TIFAB: variants seen among roughly 807,000 people sequenced by gnomAD.
TIFAB encodes the protein TIFA inhibitor.
For synonymous variants in TIFAB, 116 were observed against 95.2 expected (o/e 1.22, Z -1.27); for missense variants, 222 against 203.6 (o/e 1.09, Z -0.55).
In TIFAB at chr5:135,449,702, G is replaced by A. The variant is rs376557001; in HGVS notation, c.238C>T (p.Arg80Cys). 6.6e-5 allele frequency: 106 copies of A among 1,614,022 alleles called. No homozygotes were observed. Among genetic ancestry groups the A allele is most frequent in the Non-Finnish European group, 8.1e-5 (95 of 1,180,054 alleles). Residue 80 changes from arginine to cysteine, a missense_variant, in exon 2 of 2, where the codon CGC (arginine) becomes TGC (cysteine). Coordinates refer to ENST00000537858, the MANE Select transcript of TIFAB (RefSeq NM_001099221.2). Reference sequence around the variant, plus strand: ...CCATTGACCCACACACAGCCCTTGCGGCTCAGGGCCTTGAGGCAGAAGGCC... The same window carrying A: ...CCATTGACCCACACACAGCCCTTGCAGCTCAGGGCCTTGAGGCAGAAGGCC... ...LLAFCLKALSRKGCVWVNGLT... is the reference protein window; with the variant it reads ...LLAFCLKALSCKGCVWVNGLT...
rs905519199 is a variant in TIFAB at position 135,445,979 on chromosome 5, T to G, written c.*3475A>C. 6.0e-6 allele frequency: 1 copy of G among 166,378 alleles called. No homozygotes were observed. Among genetic ancestry groups the G allele is most frequent in the Admixed American group, 5.8e-5 (1 of 17,246 alleles). The allele number at this position is 166,378 out of a possible 1,614,324, so 10.3% of individuals were successfully genotyped here. ...GCTCTGGGGTATGCCTGAATGTAAC[T>G]AATGTAGCTCCTTTTGTGCCTGAGT... On this transcript the variant is annotated 3_prime_UTR_variant, in exon 2 of 2. Coordinates refer to ENST00000537858, the MANE Select transcript of TIFAB (RefSeq NM_001099221.2).
In TIFAB at chr5:135,444,770, T is replaced by C. The variant is rs1769225783; in HGVS notation, c.*4684A>G. 6.6e-6 allele frequency: 1 copy of C among 152,200 alleles called. No individual in the cohort carries two copies. Among genetic ancestry groups the C allele is most frequent in the Admixed American group, 6.5e-5 (1 of 15,278 alleles). The allele number at this position is 152,200 out of a possible 1,614,324, so 9.4% of individuals were successfully genotyped here. On this transcript the variant is annotated 3_prime_UTR_variant, in exon 2 of 2. Transcript: ENST00000537858. ...ACCGGGAGACCTGGAAACAGCCCCT[T>C]GACAAAGTCTTGCTCTACACGTTTC... is the stretch of plus-strand genomic sequence containing the variant.
rs371612045 is a variant in TIFAB at position 135,449,763 on chromosome 5, G to A, written c.177C>T (p.Ser59=). Reference sequence around the variant, plus strand: ...TGCCTTTCTCCAGGTAGGGCTCCAGGGACAGGTGACGGCGGGAGAGGCGAG... The same window carrying A: ...TGCCTTTCTCCAGGTAGGGCTCCAGAGACAGGTGACGGCGGGAGAGGCGAG... ...QLPRLSRRHL[S]LEPYLEKGSA... Residue 59 remains serine, a synonymous_variant, in exon 2 of 2, where the codon TCC becomes TCT. Coordinates refer to ENST00000537858, the MANE Select transcript of TIFAB (RefSeq NM_001099221.2). 28 of 1,613,382 alleles carry A rather than the reference G, an allele frequency of 1.7e-5. No homozygotes were observed. Among genetic ancestry groups the A allele is most frequent in the Non-Finnish European group, 2.4e-5 (28 of 1,179,408 alleles).
At chr5:135,451,726 C>T (rs191299411) in intron 1 of TIFAB, among the ~76,000 whole-genome samples, 126 of 152,282 alleles carry the variant, frequency 8.3e-4, no homozygotes, top group African/African-American at 2.9e-3. Flanking sequence ...TTAGGTGATC[C>T]GCCCGCCCCG....
chr5:135,447,475 G>T lies in TIFAB; in HGVS notation c.*1979C>A. On this transcript the variant is annotated 3_prime_UTR_variant, in exon 2 of 2. Coordinates refer to ENST00000537858, the MANE Select transcript of TIFAB (RefSeq NM_001099221.2). ...CTGGGCACTGATTGAATGCTTTACA[G>T]GTGTCACCTTCTAAGACCCTCGTAA... 4.0e-6 allele frequency: 1 copy of T among 252,176 alleles called. No homozygotes were observed. Among genetic ancestry groups the T allele is most frequent in the Non-Finnish European group, 7.6e-6 (1 of 131,960 alleles). 15.6% of individuals were successfully genotyped at this position (252,176 alleles called of 1,614,324 possible). A position where few individuals can be genotyped will look rare whatever the true frequency, so the allele number is the denominator to read the frequency against.
chr5:135,450,624 C>G (rs191757271), intron 1 of TIFAB: 1 of 152,276 alleles, frequency 6.6e-6, no homozygotes, highest in South Asian at 2.1e-4. Flanking sequence ...TCACAATGGC[C>G]AGCTTTGTTC....
chr5:135,446,272 T>C lies in TIFAB; in HGVS notation c.*3182A>G, dbSNP rs1374626668. ...ACAAGAATTCTAACCCAGGCAGCAG[T>C]CTGACCAGAGGGCCCTAGCTGGGAG... On this transcript the variant is annotated 3_prime_UTR_variant, in exon 2 of 2. Coordinates refer to ENST00000537858, the MANE Select transcript of TIFAB (RefSeq NM_001099221.2). 77 of 1,422,334 alleles carry C rather than the reference T, an allele frequency of 5.4e-5. No individual in the cohort carries two copies. Among genetic ancestry groups the C allele is most frequent in the Non-Finnish European group, 6.7e-5 (70 of 1,051,886 alleles). 88.1% of individuals were successfully genotyped at this position (1,422,334 alleles called of 1,614,324 possible). A position where few individuals can be genotyped will look rare whatever the true frequency, so the allele number is the denominator to read the frequency against.
rs60881382 is a variant in TIFAB, at chr5:135,446,285, C to G, written c.*3169G>C. ...CCCAGGCAGCAGTCTGACCAGAGGG[C>G]CCTAGCTGGGAGCAGCGTTCATGTG... is the stretch of plus-strand genomic sequence containing the variant. On this transcript the variant is annotated 3_prime_UTR_variant, in exon 2 of 2. Transcript: ENST00000537858. 1.6e-3 allele frequency: 2,426 copies of G among 1,476,872 alleles called. 29 individuals carry two copies. In the African/African-American group the frequency reaches 0.031, roughly 19 times the overall value. 91.5% of individuals were successfully genotyped at this position (1,476,872 alleles called of 1,614,324 possible). A position where few individuals can be genotyped will look rare whatever the true frequency, so the allele number is the denominator to read the frequency against.
In TIFAB at chr5:135,445,507, G is replaced by A. The variant is rs79805596; in HGVS notation, c.*3947C>T. 0.035 allele frequency: 5,381 copies of A among 152,494 alleles called. 104 individuals carry two copies. The highest frequency in any genetic ancestry group is 0.063 in the East Asian group (323 of 5,166). 9.4% of individuals were successfully genotyped at this position (152,494 alleles called of 1,614,324 possible). On this transcript the variant is annotated 3_prime_UTR_variant, in exon 2 of 2. Coordinates refer to ENST00000537858, the MANE Select transcript of TIFAB (RefSeq NM_001099221.2). ...CGCACTGCCCATGCCGGGCCTGAGG[G>A]GCCTGGCTCAGACTTTAGTATCCAA... is the stretch of plus-strand genomic sequence containing the variant.
rs577889952 is a variant in TIFAB, at chr5:135,450,810, T to A, written c.-10-861A>T. 28 of 152,388 alleles carry A rather than the reference T, an allele frequency of 1.8e-4. No individual in the cohort carries two copies. The East Asian group carries it at 5.0e-3, about 27-fold the overall frequency. The allele number at this position is 152,388 out of a possible 1,614,324, so 9.4% of individuals were successfully genotyped here. A position where few individuals can be genotyped will look rare whatever the true frequency, so the allele number is the denominator to read the frequency against. On this transcript the variant is annotated intron_variant, in intron 1 of 1. Transcript: ENST00000537858. Reference sequence around the variant, plus strand: ...TTCTCTCCTAAGAATGCATCTTCCATCCCAAACTCTGTGTCCAAATACTGC... The same window carrying A: ...TTCTCTCCTAAGAATGCATCTTCCAACCCAAACTCTGTGTCCAAATACTGC...
At chr5:135,452,124 T>A (rs1281418989) in intron 1 of TIFAB, 85 bp downstream of exon 1, 1 of 152,188 alleles carries the variant, frequency 6.6e-6, no homozygotes, top group Non-Finnish European at 1.5e-5. Flanking sequence ...CACTCCAGAA[T>A]GTGTGTCTCA....
At chr5:135,451,894 A>G (rs1769367881) in intron 1 of TIFAB, among the ~76,000 whole-genome samples, 3 of 152,200 alleles carry the variant, frequency 2.0e-5, no homozygotes, top group African/African-American at 7.2e-5. Context: ...CCCAGAAACT[A>G]ATATCACGGC....
Position 135,449,611 on chromosome 5 carries a change from A to G in TIFAB, c.329T>C (p.Ile110Thr), listed in dbSNP as rs372647765. The G allele has an allele frequency of 4.3e-6, 7 of 1,614,082 alleles. No homozygotes were observed. In the African/African-American group the frequency reaches 8.0e-5, roughly 18 times the overall value. Residue 110 changes from isoleucine (I) to threonine (T), a missense_variant, in exon 2 of 2, where the codon ATC (isoleucine) becomes ACC (threonine). By Grantham distance (89) the Ile-to-Thr change is moderately conservative (BLOSUM62 -1). Transcript: ENST00000537858. ...TTCTTCTACGCGAACCAGCATCTGG[A>G]TGCCTGAGAAGGAGACCCTGTTGAC... is the stretch of plus-strand genomic sequence containing the variant. ...STVNRVSFSG[I>T]QMLVRVEEGT...
chr5:135,446,219 C>T lies in TIFAB; in HGVS notation c.*3235G>A, dbSNP rs1769255911. On this transcript the variant is annotated 3_prime_UTR_variant, in exon 2 of 2. Coordinates refer to ENST00000537858, the MANE Select transcript of TIFAB (RefSeq NM_001099221.2). Reference sequence around the variant, plus strand: ...AGAGATTCAGTTACTTGTCCAGGATCACAGAACTATAGTAAGTGGGGGTGG... The same window carrying T: ...AGAGATTCAGTTACTTGTCCAGGATTACAGAACTATAGTAAGTGGGGGTGG... The T allele has an allele frequency of 1.1e-6, 1 of 903,954 alleles. No homozygotes were observed. Among genetic ancestry groups the T allele is most frequent in the East Asian group, 2.5e-5 (1 of 39,578 alleles). 56.0% of individuals were successfully genotyped at this position (903,954 alleles called of 1,614,324 possible).
rs1769337262 is a variant in TIFAB, at chr5:135,449,905, A to G, written c.35T>C (p.Leu12Pro). The G allele has an allele frequency of 6.5e-7, 1 of 1,533,720 alleles. No individual in the cohort carries two copies. Among genetic ancestry groups the G allele is most frequent in the South Asian group, 1.3e-5 (1 of 78,266 alleles). ...AGATGGGCCCAGCGTGGGATGGTACAGGCTCACTCGCAGGACGGTGAGGGG... is the reference window on the plus strand; with the variant it reads ...AGATGGGCCCAGCGTGGGATGGTACGGGCTCACTCGCAGGACGGTGAGGGG... Reference protein sequence around the residue: ...EKPLTVLRVSLYHPTLGPSAF... With the variant: ...EKPLTVLRVSPYHPTLGPSAF... Residue 12 changes from leucine to proline, a missense_variant, in exon 2 of 2, where the codon CTG becomes CCG. By Grantham distance (98) the Leu-to-Pro change is moderately conservative (BLOSUM62 -3). Coordinates refer to ENST00000537858, the MANE Select transcript of TIFAB (RefSeq NM_001099221.2).
chr5:135,449,733 G>T lies in TIFAB; in HGVS notation c.207C>A (p.Ala69=), dbSNP rs1053380251. The change falls in exon 2 of 2, where the codon GCC becomes GCA. Residue 69 remains alanine, a synonymous_variant. Coordinates refer to ENST00000537858, the MANE Select transcript of TIFAB (RefSeq NM_001099221.2). The part of the protein sequence containing the change: ...SLEPYLEKGS[A]LLAFCLKALS... ...GGGCCTTGAGGCAGAAGGCCAGCAG[G>T]GCACTGCCTTTCTCCAGGTAGGGCT... 2 of 1,614,038 alleles carry T rather than the reference G, an allele frequency of 1.2e-6. No homozygotes were observed.
Position 135,452,273 on chromosome 5 carries a change from G to A in TIFAB, c.-75C>T, listed in dbSNP as rs960117293. On this transcript the variant is annotated 5_prime_UTR_variant, in exon 1 of 2. Transcript: ENST00000537858. ...TGAGCTCTTGAGAGGGAGTAGGCTG[G>A]TTTGGGTAGGGCTGGGAGGGCTCCT... 3 of 152,304 alleles carry A rather than the reference G, an allele frequency of 2.0e-5. No individual in the cohort carries two copies. Among genetic ancestry groups the A allele is most frequent in the African/African-American group, 7.2e-5 (3 of 41,468 alleles). 9.4% of individuals were successfully genotyped at this position (152,304 alleles called of 1,614,324 possible).
In TIFAB at chr5:135,449,898, A is replaced by C; in HGVS notation, c.42T>G (p.His14Gln). The C allele has an allele frequency of 1.3e-6, 2 of 1,562,004 alleles. No homozygotes were observed. The highest frequency in any genetic ancestry group is 1.7e-6 in the Non-Finnish European group (2 of 1,152,068). The change falls in exon 2 of 2, where the codon CAT becomes CAG. Residue 14 changes from histidine to glutamine, a missense_variant. Coordinates refer to ENST00000537858, the MANE Select transcript of TIFAB (RefSeq NM_001099221.2). ...CAAAGGCAGATGGGCCCAGCGTGGGATGGTACAGGCTCACTCGCAGGACGG... is the reference window on the plus strand; with the variant it reads ...CAAAGGCAGATGGGCCCAGCGTGGGCTGGTACAGGCTCACTCGCAGGACGG... ...PLTVLRVSLY[H>Q]PTLGPSAFAN...
chr5:135,447,500 A>C lies in TIFAB; in HGVS notation c.*1954T>G. 1 of 205,848 alleles carries C rather than the reference A, an allele frequency of 4.9e-6. No individual in the cohort carries two copies. The highest frequency in any genetic ancestry group is 9.8e-6 in the Non-Finnish European group (1 of 102,328). The allele number at this position is 205,848 out of a possible 1,614,324, so 12.8% of individuals were successfully genotyped here. ...GGTGTCACCTTCTAAGACCCTCGTA[A>C]CTCTAGCAGGTAGTACTATTATCTT... On this transcript the variant is annotated 3_prime_UTR_variant, in exon 2 of 2. Transcript: ENST00000537858.
Sources: allele counts gnomAD v4.1 joint callset (sites outside exome capture counted in the v4.1 genomes callset), GRCh38; gene constraint gnomAD v4.1.1; transcripts MANE v1.5; gene names NCBI Gene and HGNC (gene_info 2026-07-23, HGNC 2026-07-21).